Variants in LAMB1 observed in about 807,000 individuals in gnomAD.
LAMB1 encodes the protein laminin subunit beta-1.
In LAMB1, 121 loss-of-function variants were observed where a neutral mutation model predicts 222.3. The ratio of observed to expected loss-of-function variants is 0.54; its 90% CI spans 0.47 to 0.63. The LOEUF is 0.63. Among genes scored for constraint, LAMB1 ranks in the 30% least tolerant of loss-of-function variants. The pLI is 0.00. For missense variants in LAMB1, 2,172 were observed against 2,240.8 expected (o/e 0.97, Z 0.62); for synonymous variants, 794 against 807.2 (o/e 0.98, Z 0.28).
chr7:107,945,162 TGGCCAGTA>T, intron 24 of LAMB1, among the ~76,000 whole-genome samples: 1 of 152,372 alleles, frequency 6.6e-6, no homozygotes, highest in Admixed American at 6.5e-5. Context: ...CTCTGTTCTG[TGGCCAGTA>T]GGCTTCCTCT....
At chr7:107,956,142 C>T (rs566536264) in intron 20 of LAMB1, among the ~76,000 whole-genome samples, 1 of 152,038 alleles carries the variant, frequency 6.6e-6, no homozygotes, top group South Asian at 2.1e-4. Context: ...GGTGATCCAC[C>T]CACCTCAGCC....
chr7:107,965,346 G>A (rs761273982), intron 13 of LAMB1, among the ~76,000 whole-genome samples: 31 of 152,244 alleles, frequency 2.0e-4, no homozygotes, highest in Non-Finnish European at 3.1e-4. Flanking sequence ...TTGGGAGGCC[G>A]AGACAGGCGG....
intron 5 of LAMB1, among the ~76,000 whole-genome samples, chr7:107,990,253 G>T (rs1189893730): frequency 1.3e-5 from 2 of 151,996 alleles, no homozygotes; most frequent in East Asian, 3.9e-4. Context: ...TGTCCAGGCT[G>T]GTCTTGAACT....
At chr7:107,975,611 C>G in intron 10 of LAMB1, 78 bp downstream of exon 10, 1 of 1,409,676 alleles carries the variant, frequency 7.1e-7, no homozygotes, top group Non-Finnish European at 9.7e-7. Context: ...ATACTATGAG[C>G]TCTGAGACTA....
intron 3 of LAMB1, chr7:107,999,944 G>T (rs975053665): frequency 6.6e-6 from 1 of 152,014 alleles, no homozygotes; most frequent in African/African-American, 2.4e-5. Context: ...AACTTCTCTA[G>T]TAACGAACTA....
In LAMB1 at chr7:107,963,151, G is replaced by A. The variant is rs556276687; in HGVS notation, c.1699-88C>T. The A allele has an allele frequency of 4.8e-6, 6 of 1,258,888 alleles. No homozygotes were observed. The Admixed American group carries it at 6.8e-5, about 14-fold the overall frequency. 78.0% of individuals were successfully genotyped at this position (1,258,888 alleles called of 1,614,324 possible). A position where few individuals can be genotyped will look rare whatever the true frequency, so the allele number is the denominator to read the frequency against. On this transcript the variant is annotated intron_variant, in intron 14 of 33. Coordinates refer to ENST00000222399, the MANE Select transcript of LAMB1 (RefSeq NM_002291.3). ...TCAAAGTAATCCGAAGTCACCCAAA[G>A]ATTCAAAAAGGGTGGCTACCTTATG...
At chr7:107,954,863 G>A (rs565663896) in intron 21 of LAMB1, among the ~76,000 whole-genome samples, 96 of 152,212 alleles carry the variant, frequency 6.3e-4, no homozygotes, top group African/African-American at 2.2e-3. Context: ...TGAAAAATGG[G>A]ATCTTTAATG....
chr7:107,940,677 C>G (rs577436440), intron 24 of LAMB1: 4 of 282,222 alleles, frequency 1.4e-5, no homozygotes, highest in Admixed American at 4.5e-5. Flanking sequence ...ACTCAGAGAT[C>G]AGAGAGATTA....
At chr7:107,977,194 C>CCT (rs202186876) in intron 9 of LAMB1, among the ~76,000 whole-genome samples, 58,846 of 151,264 alleles carry the variant, frequency 0.39, 11,710 homozygotes, top group Middle Eastern at 0.49. Flanking sequence ...TTGACCACTC[C>CCT]AGCTCTCACT....
chr7:108,003,063 G>A (rs912396651), intron 1 of LAMB1, 48 bp downstream of exon 1: 4 of 1,398,860 alleles, frequency 2.9e-6, no homozygotes, highest in East Asian at 2.6e-5. Context: ...GAAGCGGGGG[G>A]TGGGCTGGAA....
In LAMB1 at chr7:107,974,669, T is replaced by C. The variant is rs571696888; in HGVS notation, c.1482+317A>G. 3.9e-5 allele frequency among the ~76,000 whole-genome samples: 6 copies of C among 152,338 alleles called. No homozygotes were observed. In the South Asian group the frequency reaches 8.3e-4, roughly 21 times the overall value. On this transcript the variant is annotated intron_variant, in intron 12 of 33. Coordinates refer to ENST00000222399, the MANE Select transcript of LAMB1 (RefSeq NM_002291.3). ...CTTTTCACAAAAGTACAAACCAATATGGATGCCCACCAGCAGCCAAGAAGT... is the reference window on the plus strand; with the variant it reads ...CTTTTCACAAAAGTACAAACCAATACGGATGCCCACCAGCAGCCAAGAAGT...
At position 108,001,733 on chromosome 7, in the gene LAMB1, G is replaced by A. The variant is rs2150458483; in HGVS notation, c.38C>T (p.Ala13Val). The A allele has an allele frequency of 6.2e-7, 1 of 1,612,550 alleles. No homozygotes were observed. Among genetic ancestry groups the A allele is most frequent in the East Asian group, 2.2e-5 (1 of 44,840 alleles). ...AGCGCGCACTCGGGCTCTGCACAGG[G>A]CTGCGGGAAGGACAGGCAACAGAGT... ...LLQLLAFSFL[A>V]LCRARVRAQE... Residue 13 changes from alanine to valine, a missense_variant and splice_region_variant, in exon 3 of 34, where the codon GCC becomes GTC. Physicochemically the swap from Ala to Val is moderately conservative, Grantham distance 64. Transcript: ENST00000222399.
At chr7:107,927,910 T>C (rs1272637686) in intron 31 of LAMB1, among the ~76,000 whole-genome samples, 2 of 152,220 alleles carry the variant, frequency 1.3e-5, no homozygotes, top group Non-Finnish European at 2.9e-5. Flanking sequence ...AAAATTCATC[T>C]TCCCAGGTTT....
At chr7:107,953,049 G>T (rs771979231) in intron 22 of LAMB1, among the ~76,000 whole-genome samples, 7 of 152,120 alleles carry the variant, frequency 4.6e-5, no homozygotes, top group Non-Finnish European at 7.4e-5. Context: ...GCCAGAAAAT[G>T]TGGATGTAAA....
At chr7:107,956,748 CA>C (rs951306042) in intron 20 of LAMB1, among the ~76,000 whole-genome samples, 1 of 152,182 alleles carries the variant, frequency 6.6e-6, no homozygotes, top group Non-Finnish European at 1.5e-5. Flanking sequence ...GAGGGGGTGA[CA>C]GGGGTGCTCT....
intron 23 of LAMB1, among the ~76,000 whole-genome samples, 173 bp from the exon 24 acceptor site, chr7:107,951,495 A>T (rs2033249860): frequency 6.6e-6 from 1 of 152,228 alleles, no homozygotes; most frequent in Non-Finnish European, 1.5e-5. Flanking sequence ...GCCCCATGCC[A>T]GCATCTAAGT....
chr7:107,966,273 C>T (rs1439318085), intron 13 of LAMB1, among the ~76,000 whole-genome samples: 3 of 151,730 alleles, frequency 2.0e-5, no homozygotes, highest in African/African-American at 4.8e-5. Flanking sequence ...TACAGTGGAA[C>T]GATCTCGGTT....
chr7:107,933,098 T>C (rs142027195), intron 27 of LAMB1, among the ~76,000 whole-genome samples: 18 of 152,320 alleles, frequency 1.2e-4, no homozygotes, highest in African/African-American at 3.4e-4. Flanking sequence ...CACACATGCA[T>C]AGAGTCCTCC....
intron 13 of LAMB1, among the ~76,000 whole-genome samples, chr7:107,966,635 C>CATT (rs2033642807): frequency 6.6e-6 from 1 of 152,212 alleles, no homozygotes; most frequent in African/African-American, 2.4e-5. Flanking sequence ...AGGCATCAGA[C>CATT]ATTACATCAT....
Sources: allele counts gnomAD v4.1 joint callset (sites outside exome capture counted in the v4.1 genomes callset), GRCh38; gene constraint gnomAD v4.1.1; transcripts MANE v1.5; gene names NCBI Gene and HGNC (gene_info 2026-07-23, HGNC 2026-07-21).